The following FAM184B variants were observed in gnomAD, a reference collection of about 807,000 sequenced individuals.
FAM184B encodes family with sequence similarity 184 member B, also known as protein FAM184B.
A neutral mutation model predicts 135.9 loss-of-function variants in FAM184B; 111 were observed. The observed-to-expected ratio is 0.82, with a 90% CI of 0.70 to 0.96. FAM184B has a LOEUF of 0.96. FAM184B is among the 40% of genes least tolerant of loss of function. The pLI is 0.00. For missense variants in FAM184B, 1,375 were observed against 1,323.9 expected, an observed-to-expected ratio of 1.04 and a Z score of -0.60; for synonymous variants, 552 against 524.8, an observed-to-expected ratio of 1.05 and a Z score of -0.71.
In FAM184B at chr4:17,658,525, C is replaced by T; in HGVS notation, c.1862G>A (p.Ser621Asn). 1 of 1,551,428 alleles carries T rather than the reference C, an allele frequency of 6.4e-7. No homozygotes were observed. The highest frequency in any genetic ancestry group is 8.7e-7 in the Non-Finnish European group (1 of 1,146,992). Residue 621 changes from serine (S) to asparagine (N), a missense_variant, in exon 10 of 18, where the codon AGC (serine) becomes AAC (asparagine). By Grantham distance (46) the Ser-to-Asn change is conservative. Coordinates refer to ENST00000265018, the MANE Select transcript of FAM184B (RefSeq NM_015688.2). ...QMQQALEQCT[S>N]NYREDLQALK... is the part of the protein sequence containing the mutation. ...TGCCTGCAGGTCCTCCCTGTAGTTGCTGGTGCACTGCTCCAGAGCCTGCTG... is the reference window on the plus strand; with the variant it reads ...TGCCTGCAGGTCCTCCCTGTAGTTGTTGGTGCACTGCTCCAGAGCCTGCTG...
At position 17,632,324 on chromosome 4, in the gene FAM184B, C is replaced by G; in HGVS notation, c.*208G>C. The stretch of plus-strand genomic sequence containing the variant: ...TCCTGGACTCAAGCAGTCCATCTGC[C>G]TCAGCCTCCCAAAGTGATGGGATTA... On this transcript the variant is annotated 3_prime_UTR_variant, in exon 18 of 18. Transcript: ENST00000265018. The G allele has an allele frequency of 2.6e-6, 1 of 378,640 alleles. No individual in the cohort carries two copies. Among genetic ancestry groups the G allele is most frequent in the Non-Finnish European group, 4.9e-6 (1 of 203,744 alleles). The allele number at this position is 378,640 out of a possible 1,614,324, so 23.5% of individuals were successfully genotyped here. A position where few individuals can be genotyped will look rare whatever the true frequency, so the allele number is the denominator to read the frequency against.
intron 1 of FAM184B, among the ~76,000 whole-genome samples, chr4:17,742,443 T>G (rs1170606136): frequency 6.6e-6 from 1 of 151,948 alleles, no homozygotes; most frequent in African/African-American, 2.4e-5. Flanking sequence ...AGGGCTGGGG[T>G]CCCAGCTAAA....
At chr4:17,698,822 G>C (rs1056394191) in intron 5 of FAM184B, among the ~76,000 whole-genome samples, 2 of 152,136 alleles carry the variant, frequency 1.3e-5, no homozygotes, top group Non-Finnish European at 2.9e-5. Flanking sequence ...TTAACTGCCT[G>C]TCAAAACAAA....
intron 1 of FAM184B, among the ~76,000 whole-genome samples, chr4:17,713,471 T>C (rs532459876): frequency 9.5e-4 from 144 of 152,350 alleles, no homozygotes; most frequent in African/African-American, 3.3e-3. Context: ...TCCAAGAATA[T>C]ATCTGGAAGC....
At chr4:17,688,934 C>G (rs1363550248) in intron 6 of FAM184B, among the ~76,000 whole-genome samples, 5 of 152,144 alleles carry the variant, frequency 3.3e-5, no homozygotes, top group African/African-American at 1.2e-4. Flanking sequence ...CTTAAGCGAT[C>G]CGCCTGCCTC....
In FAM184B at chr4:17,671,674, T is replaced by C. The variant is rs975033541; in HGVS notation, c.1597-7015A>G. 3.9e-4 allele frequency among the ~76,000 whole-genome samples: 59 copies of C among 151,974 alleles called. 1 individual carries two copies. Among genetic ancestry groups the C allele is most frequent in the Non-Finnish European group, 8.8e-5 (6 of 68,010 alleles). Reference sequence around the variant, plus strand: ...AAGATAAATCTCCATAAATTGACCCTAATGAAATAGTTATATGATTTACCT... The same window carrying C: ...AAGATAAATCTCCATAAATTGACCCCAATGAAATAGTTATATGATTTACCT... On this transcript the variant is annotated intron_variant, in intron 7 of 17. Transcript: ENST00000265018.
At chr4:17,726,024 C>T (rs899580683) in intron 1 of FAM184B, among the ~76,000 whole-genome samples, 3 of 151,744 alleles carry the variant, frequency 2.0e-5, no homozygotes, top group Non-Finnish European at 2.9e-5. Flanking sequence ...CCCAGGTTCA[C>T]GCCATTCTCC....
At chr4:17,741,077 C>T (rs985322204) in intron 1 of FAM184B, among the ~76,000 whole-genome samples, 12 of 152,154 alleles carry the variant, frequency 7.9e-5, no homozygotes, top group Non-Finnish European at 1.8e-4. Context: ...TTATTGAGTG[C>T]CTGCCACGTG....
intron 11 of FAM184B, 25 bp from the exon 12 acceptor site, chr4:17,647,816 G>A (rs1428939904): frequency 6.5e-7 from 1 of 1,543,900 alleles, no homozygotes; most frequent in South Asian, 1.2e-5. Context: ...GCAGCAGTGA[G>A]TTAGGCGTTG....
chr4:17,743,585 G>C (rs1052870164), intron 1 of FAM184B, among the ~76,000 whole-genome samples: 1 of 152,112 alleles, frequency 6.6e-6, no homozygotes, highest in African/African-American at 2.4e-5. Context: ...AACAAGAATC[G>C]TCTTGTGCTC....
chr4:17,697,439 T>G (rs1716889895), intron 5 of FAM184B, among the ~76,000 whole-genome samples: 1 of 152,186 alleles, frequency 6.6e-6, no homozygotes, highest in Admixed American at 6.5e-5. Flanking sequence ...AGCATGTGTA[T>G]AGTCTCTGTT....
intron 1 of FAM184B, among the ~76,000 whole-genome samples, chr4:17,729,859 TCTC>T: frequency 6.6e-6 from 1 of 152,204 alleles, no homozygotes; most frequent in African/African-American, 2.4e-5. Flanking sequence ...GCAGAGTGCC[TCTC>T]CTCCTCCAAA....
chr4:17,637,986 A>ACCCT (rs1206427592), intron 14 of FAM184B, among the ~76,000 whole-genome samples: 1 of 23,542 alleles, frequency 4.2e-5, no homozygotes, highest in East Asian at 5.9e-3. Flanking sequence ...CCTCCCACTC[A>ACCCT]CCCTCCCTCT....
chr4:17,708,663 C>CTATATATATATATATATATA (rs60087211), intron 2 of FAM184B, among the ~76,000 whole-genome samples: 2 of 16,988 alleles, frequency 1.2e-4, no homozygotes, highest in Non-Finnish European at 2.0e-4. Context: ...GGAAACAAAA[C>CTATATATATATATATATATA]TATATATATA....
chr4:17,730,286 T>G (rs1717746099), intron 1 of FAM184B, among the ~76,000 whole-genome samples: 1 of 152,196 alleles, frequency 6.6e-6, no homozygotes, highest in Admixed American at 6.5e-5. Context: ...AATCTACATC[T>G]GATTGGTGTA....
chr4:17,703,560 G>T (rs1717035537), intron 5 of FAM184B, among the ~76,000 whole-genome samples: 2 of 151,780 alleles, frequency 1.3e-5, no homozygotes, highest in Admixed American at 1.3e-4. Context: ...TTACATGTTT[G>T]CACTAAGGGT....
chr4:17,669,864 C>A (rs1439467922), intron 7 of FAM184B, among the ~76,000 whole-genome samples: 1 of 152,166 alleles, frequency 6.6e-6, no homozygotes, highest in African/African-American at 2.4e-5. Flanking sequence ...AAAAAATAAA[C>A]CAATACCTAC....
chr4:17,675,283 G>A (rs956190136), intron 7 of FAM184B, among the ~76,000 whole-genome samples: 2 of 152,132 alleles, frequency 1.3e-5, no homozygotes, highest in Non-Finnish European at 2.9e-5. Context: ...TACTCTCCTT[G>A]TACCTCTTCA....
At chr4:17,641,376 C>T (rs991357193) in intron 13 of FAM184B, among the ~76,000 whole-genome samples, 1 of 151,200 alleles carries the variant, frequency 6.6e-6, no homozygotes, top group Non-Finnish European at 1.5e-5. Flanking sequence ...ACACCGTCTC[C>T]GTAAGGTTGG....
Sources: allele counts gnomAD v4.1 joint callset (sites outside exome capture counted in the v4.1 genomes callset), GRCh38; gene constraint gnomAD v4.1.1; transcripts MANE v1.5; gene names NCBI Gene and HGNC (gene_info 2026-07-23, HGNC 2026-07-21).